Variants in PLXDC2 observed in about 807,000 individuals in gnomAD.
PLXDC2 encodes plexin domain-containing protein 2.
In PLXDC2, 40 loss-of-function variants were observed where a neutral mutation model predicts 68.9. The observed-to-expected ratio is 0.58, with a 90% CI of 0.45 to 0.76. The LOEUF (loss-of-function observed/expected upper bound fraction) is 0.76. PLXDC2 is among the 30% of genes least tolerant of loss of function. The pLI, the probability that PLXDC2 is intolerant of heterozygous loss-of-function variation, is 0.00. For synonymous variants in PLXDC2, 243 were observed against 234.2 expected (o/e 1.04, Z -0.34); for missense variants, 644 against 661.9 (o/e 0.97, Z 0.30).
At chr10:19,948,410 A>G (rs764823865) in intron 1 of PLXDC2, among the ~76,000 whole-genome samples, 8 of 144,356 alleles carry the variant, frequency 5.5e-5, no homozygotes, top group Admixed American at 7.0e-5. Flanking sequence ...TTTTTTTGGT[A>G]TAATGGAAAG....
intron 13 of PLXDC2, among the ~76,000 whole-genome samples, chr10:20,264,187 T>C (rs1835843208): frequency 6.6e-6 from 1 of 152,214 alleles, no homozygotes; most frequent in Admixed American, 6.5e-5. Flanking sequence ...AGCTGGAGGC[T>C]ATCATCCTTA....
intron 1 of PLXDC2, among the ~76,000 whole-genome samples, chr10:19,845,335 G>T (rs1836988142): frequency 6.6e-6 from 1 of 152,178 alleles, no homozygotes; most frequent in African/African-American, 2.4e-5. Flanking sequence ...AAACTGAACT[G>T]TAGAGAGTAA....
intron 2 of PLXDC2, among the ~76,000 whole-genome samples, chr10:20,015,507 T>C (rs1396103452): frequency 6.6e-6 from 1 of 152,170 alleles, no homozygotes; most frequent in African/African-American, 2.4e-5. Flanking sequence ...ATACTTATTG[T>C]CCTCTTCAAT....
At chr10:20,218,372 G>T (rs1835167746) in intron 11 of PLXDC2, among the ~76,000 whole-genome samples, 1 of 152,088 alleles carries the variant, frequency 6.6e-6, no homozygotes, top group Admixed American at 6.6e-5. Context: ...ATATTATAAG[G>T]TGAACTGGAA....
intron 1 of PLXDC2, among the ~76,000 whole-genome samples, chr10:19,876,205 G>T (rs1049180271): frequency 6.6e-6 from 1 of 152,150 alleles, no homozygotes; most frequent in African/African-American, 2.4e-5. Flanking sequence ...TGCAGAGTAA[G>T]AGATCGTTTC....
intron 1 of PLXDC2, among the ~76,000 whole-genome samples, chr10:19,956,539 C>G (rs987514377): frequency 2.0e-5 from 3 of 152,182 alleles, no homozygotes; most frequent in Non-Finnish European, 1.5e-5. Flanking sequence ...CTCAAAGAAA[C>G]CTTTGGACTT....
intron 2 of PLXDC2, among the ~76,000 whole-genome samples, chr10:20,015,442 T>G (rs1418971850): frequency 6.6e-6 from 1 of 152,140 alleles, no homozygotes; most frequent in Non-Finnish European, 1.5e-5. Context: ...CAAAGGATTT[T>G]AAAAATGACT....
chr10:20,153,973 G>A (rs36003298), intron 6 of PLXDC2, among the ~76,000 whole-genome samples: 93,136 of 151,920 alleles, frequency 0.61, 28,907 homozygotes, highest in Middle Eastern at 0.71. Flanking sequence ...CCATTTGGGA[G>A]CAAAGGTAAG....
intron 1 of PLXDC2, among the ~76,000 whole-genome samples, chr10:19,934,042 T>C (rs1319652303): frequency 6.6e-6 from 1 of 152,206 alleles, no homozygotes; most frequent in Non-Finnish European, 1.5e-5. Flanking sequence ...TATTAATCTC[T>C]CTCATTCCTT....
chr10:20,276,708 T>C (rs1759104723), intron 13 of PLXDC2, among the ~76,000 whole-genome samples: 1 of 152,116 alleles, frequency 6.6e-6, no homozygotes, highest in Admixed American at 6.6e-5. Flanking sequence ...GAATTAGCCA[T>C]TCTAAAAAGA....
At chr10:20,076,488 A>T (rs1836453814) in intron 4 of PLXDC2, among the ~76,000 whole-genome samples, 1 of 152,230 alleles carries the variant, frequency 6.6e-6, no homozygotes, top group Non-Finnish European at 1.5e-5. Flanking sequence ...TAATTAACAT[A>T]TGTTAATGAT....
chr10:20,060,675 A>C (rs1055963782), intron 3 of PLXDC2, among the ~76,000 whole-genome samples: 4 of 150,614 alleles, frequency 2.7e-5, no homozygotes, highest in African/African-American at 9.8e-5. Flanking sequence ...GCCTTTCTCA[A>C]ATTTTCTCTC....
intron 4 of PLXDC2, among the ~76,000 whole-genome samples, chr10:20,133,084 A>G (rs1009087576): frequency 2.6e-5 from 4 of 152,186 alleles, no homozygotes; most frequent in Admixed American, 1.3e-4. Context: ...CTTCCTCCAC[A>G]TACAAAAACT....
intron 5 of PLXDC2, among the ~76,000 whole-genome samples, chr10:20,147,521 C>T (rs1442799107): frequency 6.6e-6 from 1 of 152,068 alleles, no homozygotes; most frequent in Non-Finnish European, 1.5e-5. Context: ...ATTCCTAAGG[C>T]AAAATTCCCC....
chr10:19,870,576 C>T (rs1212171202), intron 1 of PLXDC2, among the ~76,000 whole-genome samples: 3 of 152,170 alleles, frequency 2.0e-5, no homozygotes, highest in Non-Finnish European at 2.9e-5. Flanking sequence ...CAGGTGCCTG[C>T]CACCACACCT....
At chr10:20,232,828 TA>T (rs943191953) in intron 12 of PLXDC2, among the ~76,000 whole-genome samples, 4 of 152,166 alleles carry the variant, frequency 2.6e-5, no homozygotes, top group Non-Finnish European at 5.9e-5. Flanking sequence ...TATACAGTTA[TA>T]AAAATTTGGC....
chr10:19,995,209 C>G (rs1186586715), intron 1 of PLXDC2, among the ~76,000 whole-genome samples: 1 of 152,082 alleles, frequency 6.6e-6, no homozygotes, highest in Non-Finnish European at 1.5e-5. Context: ...TGGTGAGATT[C>G]ACAAGACTCA....
In PLXDC2 at chr10:20,057,833, C is replaced by G. The variant is rs1318326596; in HGVS notation, c.472-10337C>G. Among the ~76,000 whole-genome samples the G allele has an allele frequency of 3.3e-5, 5 of 151,500 alleles. No individual in the cohort carries two copies. The East Asian group carries it at 9.7e-4, about 29-fold the overall frequency. ...ATGTCATAAGGGAGCAACTCTCGGA[C>G]GCTGTGTTGAGAAGCATCAAAGTAC... On this transcript the variant is annotated intron_variant, in intron 3 of 13. Transcript: ENST00000377252.
chr10:19,879,902 T>C (rs182759194), intron 1 of PLXDC2, among the ~76,000 whole-genome samples: 25 of 152,304 alleles, frequency 1.6e-4, no homozygotes, highest in Admixed American at 4.6e-4. Flanking sequence ...CCTTCTGTTA[T>C]GTTATTGGAG....
Sources: allele counts gnomAD v4.1 joint callset (sites outside exome capture counted in the v4.1 genomes callset), GRCh38; gene constraint gnomAD v4.1.1; transcripts MANE v1.5; gene names NCBI Gene and HGNC (gene_info 2026-07-23, HGNC 2026-07-21).